Variants in TMEM213 observed in about 807,000 individuals in gnomAD.
The protein encoded by TMEM213 is transmembrane protein 213.
TMEM213 carries 7 observed loss-of-function variants against 11.6 expected under a neutral mutation model. The observed-to-expected ratio is 0.60, with a 90% CI of 0.34 to 1.13. The LOEUF (loss-of-function observed/expected upper bound fraction) is 1.13. Ranked by LOEUF, TMEM213 falls within the 50% of genes most tolerant of loss-of-function variation. TMEM213 has a pLI of 0.03. For missense variants in TMEM213, 129 were observed against 139.0 expected (o/e 0.93, Z 0.36); for synonymous variants, 60 against 58.3 (o/e 1.03, Z -0.13).
chr7:138,801,706 A>C, intron 2 of TMEM213: 2 of 368,904 alleles, frequency 5.4e-6, no homozygotes, highest in East Asian at 4.8e-5. Flanking sequence ...GGCCATAAGA[A>C]ATCATCTAGT....
chr7:138,799,901 G>T (rs1042426259), intron 1 of TMEM213, among the ~76,000 whole-genome samples: 1 of 152,082 alleles, frequency 6.6e-6, no homozygotes, highest in East Asian at 1.9e-4. Context: ...TAAACAGCAG[G>T]TTTCTTCTGA....
chr7:138,800,641 A>T (rs2130262677), intron 1 of TMEM213, among the ~76,000 whole-genome samples: 1 of 150,726 alleles, frequency 6.6e-6, no homozygotes, highest in African/African-American at 2.4e-5. Flanking sequence ...CTGGGTTCTC[A>T]CGTGGACTTT....
rs755231867 is a variant in TMEM213, at chr7:138,801,402, A to AG, written c.154+5dup. 1.0e-5 allele frequency: 16 copies of AG among 1,605,118 alleles called. No homozygotes were observed. The highest frequency in any genetic ancestry group is 1.3e-5 in the Non-Finnish European group (15 of 1,176,036). On this transcript the variant is annotated splice_donor_region_variant and intron_variant, in intron 2 of 2. Coordinates refer to ENST00000442682, the MANE Select transcript of TMEM213 (RefSeq NM_001085429.2). Reference sequence around the variant, plus strand: ...GGGACCCTGGAGCAGTGCCTCAGTAAGCTTCTCCTGCCAACTGCTCTAACC... The same window carrying AG: ...GGGACCCTGGAGCAGTGCCTCAGTAAGGCTTCTCCTGCCAACTGCTCTAACC...
intron 2 of TMEM213, 36 bp from the exon 3 acceptor site, chr7:138,802,864 T>G: frequency 6.6e-7 from 1 of 1,521,740 alleles, no homozygotes; most frequent in Non-Finnish European, 8.8e-7. Context: ...GGGCTGGTGG[T>G]GCATGCCGTC....
Position 138,802,935 on chromosome 7 carries a change from C to T in TMEM213, c.190C>T (p.Arg64Cys), listed in dbSNP as rs375761457. Residue 64 changes from arginine to cysteine, a missense_variant, in exon 3 of 3, where the codon CGC becomes TGC. Coordinates refer to ENST00000442682, the MANE Select transcript of TMEM213 (RefSeq NM_001085429.2). ...CTGCCCACAAGCAGCCCGGTGCTGC[C>T]GCACAGGAGTGGACGAGTACGGCTG... Reference protein sequence around the residue: ...DFCPQAARCCRTGVDEYGWIA... With the variant: ...DFCPQAARCCCTGVDEYGWIA... The T allele has an allele frequency of 9.4e-6, 15 of 1,600,934 alleles. No individual in the cohort carries two copies. The Admixed American group carries it at 1.0e-4, about 11-fold the overall frequency.
intron 1 of TMEM213, among the ~76,000 whole-genome samples, chr7:138,800,390 T>C (rs1158717577): frequency 6.6e-6 from 1 of 152,114 alleles, no homozygotes; most frequent in Non-Finnish European, 1.5e-5. Context: ...CCTAACCCAA[T>C]CCCACACCTC....
intron 1 of TMEM213, among the ~76,000 whole-genome samples, chr7:138,801,021 C>T (rs2130263950): frequency 6.6e-6 from 1 of 152,082 alleles, no homozygotes; most frequent in East Asian, 1.9e-4. Context: ...TATAAGGACC[C>T]CGCCATATTG....
rs114944683 is a variant in TMEM213, at chr7:138,801,418, T to A, written c.154+20T>A. 1.9e-4 allele frequency: 301 copies of A among 1,595,300 alleles called. No individual in the cohort carries two copies. The African/African-American group carries it at 3.7e-3, about 19-fold the overall frequency. The stretch of plus-strand genomic sequence containing the variant: ...GCCTCAGTAAGCTTCTCCTGCCAAC[T>A]GCTCTAACCCCAGAACTGGCCCTCA... On this transcript the variant is annotated intron_variant, in intron 2 of 2. Transcript: ENST00000442682.
At chr7:138,801,484 T>G in intron 2 of TMEM213, 86 bp downstream of exon 2, 1 of 1,308,000 alleles carries the variant, frequency 7.6e-7, no homozygotes, top group Non-Finnish European at 1.1e-6. Context: ...TTCCGTTGAT[T>G]GGTGTCAAGT....
At chr7:138,800,212 G>A (rs1332587076) in intron 1 of TMEM213, among the ~76,000 whole-genome samples, 3 of 152,092 alleles carry the variant, frequency 2.0e-5, no homozygotes, top group African/African-American at 7.2e-5. Context: ...TGGAACCCTT[G>A]GCATGGGTCT....
chr7:138,803,463 T>C lies in TMEM213; in HGVS notation c.*394T>C, dbSNP rs896186. On this transcript the variant is annotated 3_prime_UTR_variant, in exon 3 of 3. Transcript: ENST00000442682. ...CTGCTTCTGTCCCTGGCTTGAGTCC[T>C]GGGCTTAACTGTCATTTCAGAATCT... The C allele has an allele frequency of 0.18, 37,101 of 205,310 alleles. 4,616 individuals carry two copies. Among genetic ancestry groups the C allele is most frequent in the African/African-American group, 0.4 (16,619 of 41,918 alleles). 12.7% of individuals were successfully genotyped at this position (205,310 alleles called of 1,614,324 possible). A position where few individuals can be genotyped will look rare whatever the true frequency, so the allele number is the denominator to read the frequency against.
chr7:138,801,484 T>C, intron 2 of TMEM213, 86 bp downstream of exon 2: 1 of 1,308,000 alleles, frequency 7.6e-7, no homozygotes, highest in African/African-American at 1.5e-5. Context: ...TTCCGTTGAT[T>C]GGTGTCAAGT....
rs531286852 is a variant in TMEM213 at position 138,804,071 on chromosome 7, C to T, written c.*1002C>T. ...ACGGCTCTCCTGTCCCACCTATTCT[C>T]CCTGCCGGTGCCCAAGTTTTAGCCT... On this transcript the variant is annotated 3_prime_UTR_variant, in exon 3 of 3. Coordinates refer to ENST00000442682, the MANE Select transcript of TMEM213 (RefSeq NM_001085429.2). 1 of 152,764 alleles carries T rather than the reference C, an allele frequency of 6.5e-6. No individual in the cohort carries two copies. The highest frequency in any genetic ancestry group is 1.5e-5 in the Non-Finnish European group (1 of 68,434). The allele number at this position is 152,764 out of a possible 1,614,324, so 9.5% of individuals were successfully genotyped here. A position where few individuals can be genotyped will look rare whatever the true frequency, so the allele number is the denominator to read the frequency against.
chr7:138,800,535 C>A (rs1197388420), intron 1 of TMEM213, among the ~76,000 whole-genome samples: 1 of 152,044 alleles, frequency 6.6e-6, no homozygotes, highest in Non-Finnish European at 1.5e-5. Context: ...TTTTTGACAG[C>A]CATCATTCTG....
In TMEM213 at chr7:138,806,732, T is replaced by C. The variant is rs1339164773; in HGVS notation, c.*3663T>C. The C allele has an allele frequency of 1.3e-5, 2 of 152,244 alleles. No homozygotes were observed. The highest frequency in any genetic ancestry group is 2.1e-4 in the South Asian group (1 of 4,838). The allele number at this position is 152,244 out of a possible 1,614,324, so 9.4% of individuals were successfully genotyped here. ...GGGGCATGTCTGTATCAAAATGTCA[T>C]ATGTAGAAATAAAGTATTAAATATT... On this transcript the variant is annotated 3_prime_UTR_variant, in exon 3 of 3. Coordinates refer to ENST00000442682, the MANE Select transcript of TMEM213 (RefSeq NM_001085429.2).
Position 138,804,110 on chromosome 7 carries a change from C to T in TMEM213, c.*1041C>T, listed in dbSNP as rs920304421. On this transcript the variant is annotated 3_prime_UTR_variant, in exon 3 of 3. Transcript: ENST00000442682. ...AAGTTTTAGCCTTCACTGCCTTCCC[C>T]TAGAACACGCCAGGGATATTGCATT... 6 of 152,456 alleles carry T rather than the reference C, an allele frequency of 3.9e-5. No homozygotes were observed. The highest frequency in any genetic ancestry group is 1.4e-4 in the African/African-American group (6 of 41,438). The allele number at this position is 152,456 out of a possible 1,614,324, so 9.4% of individuals were successfully genotyped here.
intron 1 of TMEM213, among the ~76,000 whole-genome samples, chr7:138,800,918 T>G (rs1343568384): frequency 1.3e-5 from 2 of 152,006 alleles, no homozygotes; most frequent in Non-Finnish European, 2.9e-5. Context: ...AGGCTGTTCT[T>G]GAACTCCTGA....
At chr7:138,800,855 A>T (rs2130263531) in intron 1 of TMEM213, among the ~76,000 whole-genome samples, 1 of 151,944 alleles carries the variant, frequency 6.6e-6, no homozygotes, top group African/African-American at 2.4e-5. Context: ...ATGCACCACC[A>T]CGCCCGGCTG....
At position 138,802,384 on chromosome 7, in the gene TMEM213, T is replaced by C. The variant is rs188564264; in HGVS notation, c.155-516T>C. On this transcript the variant is annotated intron_variant, in intron 2 of 2. Transcript: ENST00000442682. ...GGCCAACATGGCAAAACCCAGTCTC[T>C]ACTAAAAATACAAAACATTAGCTGG... is the stretch of plus-strand genomic sequence containing the variant. 1.9e-3 allele frequency among the ~76,000 whole-genome samples: 282 copies of C among 151,746 alleles called. 2 individuals carry two copies. The highest frequency in any genetic ancestry group is 6.1e-3 in the African/African-American group (253 of 41,382).
Sources: allele counts gnomAD v4.1 joint callset (sites outside exome capture counted in the v4.1 genomes callset), GRCh38; gene constraint gnomAD v4.1.1; transcripts MANE v1.5; gene names NCBI Gene and HGNC (gene_info 2026-07-23, HGNC 2026-07-21).